Variants in BIN1 observed in about 807,000 individuals in gnomAD.
The protein encoded by BIN1 is myc box-dependent-interacting protein 1.
BIN1 carries 53 observed loss-of-function variants against 82.0 expected under a neutral mutation model. The observed-to-expected ratio is 0.65, with a 90% CI of 0.52 to 0.81. The LOEUF is 0.81. BIN1 is among the 40% of genes least tolerant of loss of function. The pLI is 0.00. For missense variants in BIN1, 642 were observed against 784.4 expected (o/e 0.82, Z 2.17); for synonymous variants, 302 against 328.0 (o/e 0.92, Z 0.86).
intron 1 of BIN1, 53 bp downstream of exon 1, chr2:127,106,807 G>A (rs936538700): frequency 5.4e-5 from 83 of 1,551,228 alleles, no homozygotes; most frequent in African/African-American, 1.9e-4. Context: ...ACAGGTGGCC[G>A]GGGCTCCGCG....
Position 127,048,652 on chromosome 2 carries a change from G to C in BIN1, c.1675-19C>G. 1 of 1,610,332 alleles carries C rather than the reference G, an allele frequency of 6.2e-7. No homozygotes were observed. Among genetic ancestry groups the C allele is most frequent in the Non-Finnish European group, 8.5e-7 (1 of 1,178,334 alleles). On this transcript the variant is annotated intron_variant, in intron 18 of 18. Transcript: ENST00000316724. ...CTTCATCCTGAGGGGCAGAGCACCA[G>C]GTCGCACAGGGATGAGCAAGGGGCT... is the stretch of plus-strand genomic sequence containing the variant.
At chr2:127,052,182 CG>C in intron 15 of BIN1, 72 bp downstream of exon 15, 2 of 1,458,936 alleles carry the variant, frequency 1.4e-6, no homozygotes. Context: ...AACCCCTCCT[CG>C]GGGCTCTCCT....
At chr2:127,051,776 C>T (rs577284964) in intron 15 of BIN1, among the ~76,000 whole-genome samples, 15 of 152,148 alleles carry the variant, frequency 9.9e-5, no homozygotes, top group African/African-American at 3.4e-4. Context: ...GCACGGGCAC[C>T]GCAGCACGGG....
chr2:127,100,328 T>C (rs1224196931), intron 1 of BIN1, among the ~76,000 whole-genome samples: 1 of 152,074 alleles, frequency 6.6e-6, no homozygotes, highest in African/African-American at 2.4e-5. Context: ...GGGCCCCAAG[T>C]CTTGGGAGGG....
At chr2:127,105,520 T>A (rs952979387) in intron 1 of BIN1, among the ~76,000 whole-genome samples, 2 of 134,116 alleles carry the variant, frequency 1.5e-5, no homozygotes, top group Admixed American at 1.7e-4. Flanking sequence ...GGGTGGGGGG[T>A]TGGGGAGCTG....
At chr2:127,094,715 T>C (rs992541732) in intron 1 of BIN1, among the ~76,000 whole-genome samples, 3 of 152,212 alleles carry the variant, frequency 2.0e-5, no homozygotes, top group Non-Finnish European at 4.4e-5. Flanking sequence ...TCAGGTTCTG[T>C]CCTTGCTGTG....
At chr2:127,056,822 C>T (rs1157607645) in intron 12 of BIN1, among the ~76,000 whole-genome samples, 2 of 152,228 alleles carry the variant, frequency 1.3e-5, no homozygotes, top group Non-Finnish European at 2.9e-5. Context: ...CCATGAAGGA[C>T]GTAAGACCTG....
At chr2:127,098,394 C>T (rs187627786) in intron 1 of BIN1, among the ~76,000 whole-genome samples, 9 of 152,298 alleles carry the variant, frequency 5.9e-5, no homozygotes, top group Admixed American at 2.0e-4. Context: ...CCAGACACTG[C>T]GGCCTTCACA....
intron 10 of BIN1, chr2:127,060,758 C>T: frequency 1.5e-6 from 2 of 1,350,474 alleles, no homozygotes; most frequent in South Asian, 1.2e-5. Context: ...GGGCAAAAGC[C>T]TCTCCTAAGT....
intron 1 of BIN1, among the ~76,000 whole-genome samples, chr2:127,084,812 C>T (rs912000208): frequency 6.6e-6 from 1 of 152,194 alleles, no homozygotes; most frequent in Non-Finnish European, 1.5e-5. Flanking sequence ...GAGCCCATTG[C>T]AGTGTTCCTT....
chr2:127,062,256 TC>T, intron 9 of BIN1, 59 bp from the exon 10 acceptor site: 1 of 1,497,442 alleles, frequency 6.7e-7, no homozygotes. Context: ...GGCCCCACCT[TC>T]CCCAAACACC....
chr2:127,070,051 C>G lies in BIN1; in HGVS notation c.355G>C (p.Val119Leu). Reference sequence around the variant, plus strand: ...TCCATGGTCAGCAGCGCCTGGTCCACCAGCTTCTGGTGGTAATCCATCCAC... The same window carrying G: ...TCCATGGTCAGCAGCGCCTGGTCCAGCAGCTTCTGGTGGTAATCCATCCAC... ...LLWMDYHQKLVDQALLTMDTY... is the reference protein window; with the variant it reads ...LLWMDYHQKLLDQALLTMDTY... Residue 119 changes from valine to leucine, a missense_variant, in exon 5 of 19, where the codon GTG becomes CTG. Coordinates refer to ENST00000316724, the MANE Select transcript of BIN1 (RefSeq NM_139343.3). 1 of 1,614,136 alleles carries G rather than the reference C, an allele frequency of 6.2e-7. No homozygotes were observed. Among genetic ancestry groups the G allele is most frequent in the Non-Finnish European group, 8.5e-7 (1 of 1,180,010 alleles).
chr2:127,093,122 C>T lies in BIN1; in HGVS notation c.84+13738G>A, dbSNP rs372758222. On this transcript the variant is annotated intron_variant, in intron 1 of 18. Coordinates refer to ENST00000316724, the MANE Select transcript of BIN1 (RefSeq NM_139343.3). This position sits in a 1 kb window ranked among gnomAD's most constrained non-coding sequence, Gnocchi z 5.7. ...AGAGAGAGGGGTCAGGGAGGGAGGG[C>T]GGAAGGGGAAGTGGGGGCTTACAGT... Among the ~76,000 whole-genome samples the T allele has an allele frequency of 3.3e-5, 5 of 152,016 alleles. No individual in the cohort carries two copies. Among genetic ancestry groups the T allele is most frequent in the Non-Finnish European group, 5.9e-5 (4 of 67,980 alleles).
chr2:127,106,668 C>T (rs1382022511), intron 1 of BIN1, among the ~76,000 whole-genome samples, 192 bp downstream of exon 1: 1 of 152,176 alleles, frequency 6.6e-6, no homozygotes, highest in Non-Finnish European at 1.5e-5. Context: ...AGGACGCAAA[C>T]CTAAGAGGGC....
intron 1 of BIN1, among the ~76,000 whole-genome samples, chr2:127,106,463 G>A (rs1681145030): frequency 6.6e-6 from 1 of 152,184 alleles, no homozygotes; most frequent in African/African-American, 2.4e-5. Context: ...CCCAGCCTAG[G>A]TTGCCTGCAT....
chr2:127,052,729 C>T, intron 14 of BIN1: 1 of 320,756 alleles, frequency 3.1e-6, no homozygotes, highest in South Asian at 3.6e-5. Context: ...AGGGCGCCTG[C>T]ACACCCGCCT....
At position 127,070,890 on chromosome 2, in the gene BIN1, C is replaced by T. The variant is rs550231684; in HGVS notation, c.166-74G>A. 82 of 1,465,806 alleles carry T rather than the reference C, an allele frequency of 5.6e-5. No individual in the cohort carries two copies. The South Asian group carries it at 9.6e-4, about 17-fold the overall frequency. The allele number at this position is 1,465,806 out of a possible 1,614,324, so 90.8% of individuals were successfully genotyped here. A position where few individuals can be genotyped will look rare whatever the true frequency, so the allele number is the denominator to read the frequency against. On this transcript the variant is annotated intron_variant, in intron 2 of 18. Coordinates refer to ENST00000316724, the MANE Select transcript of BIN1 (RefSeq NM_139343.3). ...GTCCCTGACCCTCTCCTTCCTGCCA[C>T]CCTCACGTGAATGAACCAGGCTGCT... is the stretch of plus-strand genomic sequence containing the variant.
At chr2:127,062,762 T>C (rs1388335167) in intron 9 of BIN1, among the ~76,000 whole-genome samples, 3 of 152,262 alleles carry the variant, frequency 2.0e-5, no homozygotes, top group Non-Finnish European at 2.9e-5. Flanking sequence ...TTTATATAAA[T>C]GTTCCTTCTC....
chr2:127,048,574 C>A lies in BIN1; in HGVS notation c.1734G>T (p.Glu578Asp). ...TCTCGGGGAAGACGCCACGGCACTT[C>A]TCCAGCTCCTTGTGCTGGTTCCAGT... ...ESDWNQHKELEKCRGVFPENF... is the reference protein window; with the variant it reads ...ESDWNQHKELDKCRGVFPENF... The change falls in exon 19 of 19, where the codon GAG becomes GAT. Residue 578 changes from glutamate (E) to aspartate (D), a missense_variant. Glu to Asp is a conservative substitution (Grantham distance 45). Coordinates refer to ENST00000316724, the MANE Select transcript of BIN1 (RefSeq NM_139343.3). 6.2e-7 allele frequency: 1 copy of A among 1,613,748 alleles called. No homozygotes were observed. Among genetic ancestry groups the A allele is most frequent in the Non-Finnish European group, 8.5e-7 (1 of 1,179,996 alleles).
Sources: gnomAD v4.1 joint callset for allele counts (sites outside exome capture counted in the v4.1 genomes callset) on GRCh38, gnomAD v4.1.1 for gene constraint, Gnocchi (gnomAD v3.1) non-coding constraint, MANE v1.5 for transcripts, NCBI Gene and HGNC (gene_info 2026-07-23, HGNC 2026-07-21) for gene names.